The following CDC42SE2 variants were observed in gnomAD, a reference collection of about 807,000 sequenced individuals.
CDC42SE2 encodes the protein CDC42 small effector protein 2.
CDC42SE2 carries 3 observed loss-of-function variants against 11.5 expected under a neutral mutation model. The ratio of observed to expected loss-of-function variants is 0.26; its 90% CI spans 0.12 to 0.67. CDC42SE2 has a LOEUF of 0.67. Among genes scored for constraint, CDC42SE2 ranks in the 30% least tolerant of loss-of-function variants. The pLI is 0.80. For missense variants in CDC42SE2, 82 were observed against 106.8 expected, an observed-to-expected ratio of 0.77 and a Z score of 1.02; for synonymous variants, 33 against 34.8, an observed-to-expected ratio of 0.95 and a Z score of 0.18.
At chr5:131,322,217 GT>G (rs1177656792) in intron 2 of CDC42SE2, among the ~76,000 whole-genome samples, 1 of 152,164 alleles carries the variant, frequency 6.6e-6, no homozygotes, top group Non-Finnish European at 1.5e-5. Context: ...ATTTCTGAGT[GT>G]ACAGTTGAGT....
chr5:131,350,775 C>A (rs1758989195), intron 2 of CDC42SE2, among the ~76,000 whole-genome samples: 1 of 151,744 alleles, frequency 6.6e-6, no homozygotes, highest in Non-Finnish European at 1.5e-5. Context: ...TATGAAAATG[C>A]AAAGGACCTA....
intron 1 of CDC42SE2, among the ~76,000 whole-genome samples, chr5:131,278,879 G>C (rs1429168363): frequency 7.8e-5 from 11 of 140,918 alleles, no homozygotes; most frequent in East Asian, 4.2e-4. Context: ...CTGCCTCCTA[G>C]GTTCAAGTGA....
upstream of CDC42SE2, among the ~76,000 whole-genome samples, chr5:131,241,247 C>T (rs1339356826): frequency 2.6e-5 from 4 of 152,134 alleles, no homozygotes; most frequent in Non-Finnish European, 5.9e-5. Flanking sequence ...CAGGCGTGAG[C>T]CACCACGCCC....
chr5:131,291,427 C>T (rs532054446), intron 1 of CDC42SE2, among the ~76,000 whole-genome samples: 61 of 152,158 alleles, frequency 4.0e-4, no homozygotes, highest in Non-Finnish European at 4.9e-4. Flanking sequence ...ACTATCCACT[C>T]GGAATTGAAA....
chr5:131,367,758 A>C (rs565555200), intron 3 of CDC42SE2, among the ~76,000 whole-genome samples: 1 of 152,098 alleles, frequency 6.6e-6, no homozygotes, highest in Non-Finnish European at 1.5e-5. Flanking sequence ...TTAACAAAGT[A>C]CCTTTTTTGG....
intron 2 of CDC42SE2, among the ~76,000 whole-genome samples, chr5:131,334,722 A>G (rs1429166385): frequency 2.0e-5 from 3 of 152,034 alleles, no homozygotes; most frequent in East Asian, 1.9e-4. Context: ...GAATTTATCC[A>G]TTTCTTCTAG....
upstream of CDC42SE2, chr5:131,263,798 C>T (rs2149687396): frequency 6.6e-6 from 1 of 152,360 alleles, no homozygotes; most frequent in South Asian, 2.1e-4. Flanking sequence ...GTGCTGCAGT[C>T]CCGGATCTCA....
intron 2 of CDC42SE2, among the ~76,000 whole-genome samples, chr5:131,349,474 G>C (rs1249532050): frequency 6.6e-5 from 10 of 152,146 alleles, no homozygotes; most frequent in Admixed American, 6.6e-4. Context: ...ATGTACACTA[G>C]TACTTAAAGT....
In CDC42SE2 at chr5:131,252,820, T is replaced by C. The variant is rs564456671; in HGVS notation, n.108-2275T>C. Among the ~76,000 whole-genome samples the C allele has an allele frequency of 4.6e-5, 7 of 152,360 alleles. No homozygotes were observed. The East Asian group carries it at 1.4e-3, about 29-fold the overall frequency. On this transcript the variant is annotated intron_variant and non_coding_transcript_variant, in intron 1 of 3. Transcript: ENST00000502840. ...CTTCCTGATTTTATACATGTTATTC[T>C]TCTACGCACAGAGAATTTCAACTTT...
chr5:131,264,725 A>C (rs892252842), intron 1 of CDC42SE2, among the ~76,000 whole-genome samples: 1 of 152,052 alleles, frequency 6.6e-6, no homozygotes, highest in East Asian at 1.9e-4. Context: ...GAGCTGAGCT[A>C]CTCTTACAGG....
At chr5:131,343,619 A>C (rs905039193) in intron 2 of CDC42SE2, among the ~76,000 whole-genome samples, 1 of 152,046 alleles carries the variant, frequency 6.6e-6, no homozygotes, top group African/African-American at 2.4e-5. Context: ...AGGCTGAGGC[A>C]GGAGAATTGC....
chr5:131,266,210 C>T (rs531521748), intron 1 of CDC42SE2, among the ~76,000 whole-genome samples: 1 of 152,150 alleles, frequency 6.6e-6, no homozygotes, highest in Non-Finnish European at 1.5e-5. Context: ...CTATTTTAAT[C>T]TATTTATATA....
chr5:131,252,178 T>C (rs1376392033), intron 1 of CDC42SE2, among the ~76,000 whole-genome samples: 3 of 152,168 alleles, frequency 2.0e-5, no homozygotes, highest in Non-Finnish European at 2.9e-5. Flanking sequence ...ACAAGAAGCT[T>C]ATCAAGGATA....
At chr5:131,371,022 T>C (rs71591965) in intron 3 of CDC42SE2, among the ~76,000 whole-genome samples, 3 of 152,174 alleles carry the variant, frequency 2.0e-5, no homozygotes, top group African/African-American at 4.8e-5. Context: ...TAGTGCATTG[T>C]TGTAGAAAAA....
chr5:131,333,161 G>T (rs891390481), intron 2 of CDC42SE2, among the ~76,000 whole-genome samples: 5 of 152,182 alleles, frequency 3.3e-5, no homozygotes, highest in African/African-American at 4.8e-5. Context: ...GTAAGGAAGG[G>T]ATTCAGTTTC....
At chr5:131,365,061 G>A (rs1203919523) in intron 3 of CDC42SE2, among the ~76,000 whole-genome samples, 2 of 152,078 alleles carry the variant, frequency 1.3e-5, no homozygotes, top group Non-Finnish European at 2.9e-5. Context: ...AGGCCGAGGC[G>A]GGCTGATTAC....
intron 1 of CDC42SE2, among the ~76,000 whole-genome samples, chr5:131,315,758 G>A (rs1426959633): frequency 6.6e-6 from 1 of 152,170 alleles, no homozygotes; most frequent in African/African-American, 2.4e-5. Flanking sequence ...TAGATATAAT[G>A]TGGAAGCAAC....
At chr5:131,338,575 T>G (rs551470501) in intron 2 of CDC42SE2, among the ~76,000 whole-genome samples, 1 of 152,246 alleles carries the variant, frequency 6.6e-6, no homozygotes, top group Non-Finnish European at 1.5e-5. Flanking sequence ...TGTTGAGACT[T>G]CATTTTCTAA....
chr5:131,294,820 C>A (rs1264348422), intron 1 of CDC42SE2, among the ~76,000 whole-genome samples: 1 of 151,936 alleles, frequency 6.6e-6, no homozygotes, highest in African/African-American at 2.4e-5. Context: ...GGCAGAACTC[C>A]GTCTCTACTA....
Sources: allele counts gnomAD v4.1 joint callset (sites outside exome capture counted in the v4.1 genomes callset), GRCh38; gene constraint gnomAD v4.1.1; transcripts MANE v1.5; gene names NCBI Gene and HGNC (gene_info 2026-07-23, HGNC 2026-07-21).